SECISBP2L: variants seen among roughly 807,000 people sequenced by gnomAD.
SECISBP2L encodes SECIS binding protein 2 like.
SECISBP2L carries 43 observed loss-of-function variants against 114.7 expected under a neutral mutation model. That is an observed-to-expected ratio of 0.38 (90% CI 0.29 to 0.48). The LOEUF is 0.48. SECISBP2L is among the 20% of genes least tolerant of loss of function. The probability of loss-of-function intolerance (pLI) is 0.98; values close to 1 mark genes in which losing one functional copy is unlikely to be tolerated. For synonymous variants in SECISBP2L, 451 were observed against 439.7 expected, an observed-to-expected ratio of 1.03 and a Z score of -0.32; for missense variants, 1,136 against 1,301.1, an observed-to-expected ratio of 0.87 and a Z score of 1.95.
Position 49,032,810 on chromosome 15 carries a change from T to C in SECISBP2L, c.664+155A>G, listed in dbSNP as rs542035047. On this transcript the variant is annotated intron_variant, in intron 4 of 17. Transcript: ENST00000559471. ...ATTGAAAGAACATTAAGGACACAGA[T>C]TGCTTTATCCTTCCTAGAGAATTTC... is the stretch of plus-strand genomic sequence containing the variant. 3.8e-4 allele frequency among the ~76,000 whole-genome samples: 58 copies of C among 152,342 alleles called. 1 individual carries two copies. The South Asian group carries it at 0.011, about 30-fold the overall frequency.
intron 7 of SECISBP2L, among the ~76,000 whole-genome samples, chr15:49,020,793 T>A (rs1367895114): frequency 6.6e-6 from 1 of 152,122 alleles, no homozygotes; most frequent in Non-Finnish European, 1.5e-5. Flanking sequence ...CAGGCATGAT[T>A]CACCGTGCCC....
intron 7 of SECISBP2L, among the ~76,000 whole-genome samples, 200 bp downstream of exon 7, chr15:49,027,165 G>A (rs1175519175): frequency 2.0e-5 from 3 of 152,032 alleles, no homozygotes; most frequent in Non-Finnish European, 4.4e-5. Flanking sequence ...TAGAAAAATG[G>A]TACCATATAT....
In SECISBP2L at chr15:49,016,907, C is replaced by T; in HGVS notation, c.1360G>A (p.Ala454Thr). 1 of 1,613,996 alleles carries T rather than the reference C, an allele frequency of 6.2e-7. No homozygotes were observed. The highest frequency in any genetic ancestry group is 8.5e-7 in the Non-Finnish European group (1 of 1,179,962). ...AKSQKKKALA[A>T]ALATAQEYSE... ...TACTCTTGAGCTGTGGCAAGGGCTG[C>T]TGCTAAAGCTTTCTTCTTCTGACTT... Residue 454 changes from alanine to threonine, a missense_variant, in exon 10 of 18, where the codon GCA (alanine) becomes ACA (threonine). By Grantham distance (58) the Ala-to-Thr change is moderately conservative (BLOSUM62 0). This residue lies in a region of SECISBP2L where 684 missense variants were observed against 848.7 expected (regional missense o/e 0.81). Coordinates refer to ENST00000559471, the MANE Select transcript of SECISBP2L (RefSeq NM_001193489.2).
At chr15:49,027,615 T>C in intron 6 of SECISBP2L, 135 bp from the exon 7 acceptor site, 1 of 481,208 alleles carries the variant, frequency 2.1e-6, no homozygotes, top group African/African-American at 2.0e-5. Context: ...TTATTATTTT[T>C]TTTTTTTTTT....
intron 3 of SECISBP2L, among the ~76,000 whole-genome samples, chr15:49,033,708 G>A (rs938323301): frequency 3.3e-5 from 5 of 151,872 alleles, no homozygotes; most frequent in African/African-American, 1.2e-4. Context: ...CAAAGGCATC[G>A]GTAGTCTTAG....
chr15:49,019,756 T>C (rs1902605180), intron 7 of SECISBP2L: 6 of 397,272 alleles, frequency 1.5e-5, no homozygotes, highest in Non-Finnish European at 2.2e-5. Flanking sequence ...TTAATCCACA[T>C]TGCTTTTTTC....
intron 13 of SECISBP2L, among the ~76,000 whole-genome samples, chr15:49,010,124 G>GAGACACACACACACACACACACACAC (rs1555385794): frequency 1.2e-4 from 16 of 138,748 alleles, no homozygotes. Context: ...AACAGAGGCA[G>GAGACACACACACACACACACACACAC]ACACACACAC....
At chr15:49,000,166 T>C (rs989174272) in intron 15 of SECISBP2L, among the ~76,000 whole-genome samples, 179 bp from the exon 16 acceptor site, 1 of 152,230 alleles carries the variant, frequency 6.6e-6, no homozygotes, top group Admixed American at 6.5e-5. Flanking sequence ...TATATGTATT[T>C]TCTTTCTCCC....
At chr15:49,006,518 C>T (rs1334130610) in intron 14 of SECISBP2L, among the ~76,000 whole-genome samples, 1 of 152,030 alleles carries the variant, frequency 6.6e-6, no homozygotes, top group East Asian at 1.9e-4. Flanking sequence ...CACTGATATC[C>T]TTTCTTCCGC....
chr15:49,021,035 G>A (rs1302299879), intron 7 of SECISBP2L, among the ~76,000 whole-genome samples: 1 of 151,974 alleles, frequency 6.6e-6, no homozygotes, highest in Admixed American at 6.6e-5. Flanking sequence ...CTCCGCCCAC[G>A]AGACGGTATT....
intron 1 of SECISBP2L, among the ~76,000 whole-genome samples, chr15:49,041,065 T>C (rs1211468628): frequency 6.6e-6 from 1 of 152,160 alleles, no homozygotes; most frequent in Non-Finnish European, 1.5e-5. Flanking sequence ...CCAAGATCTA[T>C]TTTTTAGGAA....
chr15:49,007,657 T>TA (rs1182474632), intron 14 of SECISBP2L, among the ~76,000 whole-genome samples: 1 of 152,210 alleles, frequency 6.6e-6, no homozygotes, highest in Non-Finnish European at 1.5e-5. Flanking sequence ...TGCTATTAGA[T>TA]AAAAACAAAC....
chr15:48,999,770 C>A (rs1238336746), intron 16 of SECISBP2L, 63 bp downstream of exon 16: 18 of 1,561,846 alleles, frequency 1.2e-5, no homozygotes, highest in South Asian at 2.3e-5. Context: ...ATATGTCAAT[C>A]GAAAAATGTG....
At chr15:49,028,746 T>C in intron 4 of SECISBP2L, 64 bp from the exon 5 acceptor site, 1 of 1,342,956 alleles carries the variant, frequency 7.4e-7, no homozygotes. Context: ...TCTCATTAAA[T>C]CATCATTAAG....
At chr15:49,020,859 T>A (rs1409059191) in intron 7 of SECISBP2L, among the ~76,000 whole-genome samples, 1 of 152,148 alleles carries the variant, frequency 6.6e-6, no homozygotes, top group Non-Finnish European at 1.5e-5. Flanking sequence ...TTTATTTTTT[T>A]ATAAAATAGA....
rs1038260919 is a variant in SECISBP2L, at chr15:49,045,281, T to C, written c.24+995A>G. ...TTTCAAAATACAAACCGGCTTCAAC[T>C]ACATATAGACACATACAGGAATTTG... On this transcript the variant is annotated intron_variant, in intron 1 of 17. Transcript: ENST00000559471. 2.0e-5 allele frequency among the ~76,000 whole-genome samples: 3 copies of C among 152,206 alleles called. No individual in the cohort carries two copies. The East Asian group carries it at 5.8e-4, about 29-fold the overall frequency.
At chr15:48,997,434 C>G (rs1177454245) in intron 16 of SECISBP2L, among the ~76,000 whole-genome samples, 1 of 152,176 alleles carries the variant, frequency 6.6e-6, no homozygotes, top group Non-Finnish European at 1.5e-5. Context: ...AGCATGACTA[C>G]TGGGCCAAAT....
chr15:49,036,920 C>A (rs924066092), intron 2 of SECISBP2L, among the ~76,000 whole-genome samples: 1 of 152,078 alleles, frequency 6.6e-6, no homozygotes, highest in Non-Finnish European at 1.5e-5. Context: ...CCTAGAAAAA[C>A]GAAATTTTCT....
At chr15:49,016,776 T>C (rs1902545323) in intron 10 of SECISBP2L, 72 bp downstream of exon 10, 2 of 1,542,372 alleles carry the variant, frequency 1.3e-6, no homozygotes, top group African/African-American at 1.4e-5. Flanking sequence ...ACTACATTTA[T>C]CACTCCTTCT....
Sources: gnomAD v4.1 joint callset for allele counts (sites outside exome capture counted in the v4.1 genomes callset) on GRCh38, gnomAD v4.1.1 for gene constraint, gnomAD v4.1.1 regional missense constraint, MANE v1.5 for transcripts, NCBI Gene and HGNC (gene_info 2026-07-23, HGNC 2026-07-21) for gene names.